Variants in PLCXD3 observed in about 807,000 individuals in gnomAD.
PLCXD3 encodes phosphatidylinositol specific phospholipase C X domain containing 3.
In PLCXD3, 19 loss-of-function variants were observed where a neutral mutation model predicts 25.5. The ratio of observed to expected loss-of-function variants is 0.75; its 90% CI spans 0.52 to 1.09. The LOEUF is 1.09. Among genes scored for constraint, PLCXD3 ranks in the 50% least tolerant of loss-of-function variants. PLCXD3 has a pLI of 0.00. For missense variants in PLCXD3, 411 were observed against 388.1 expected (o/e 1.06, Z -0.50); for synonymous variants, 174 against 137.6 (o/e 1.26, Z -1.85).
At position 41,510,460 on chromosome 5, in the gene PLCXD3, T is replaced by G; in HGVS notation, c.67A>C (p.Met23Leu). ...AAATTGGTGAGGGGGATGCTGTGCA[T>G]GCTCTCCGGCAGAGTTGCCATCCAG... ...ADWMATLPESMHSIPLTNLAI... is the reference protein window; with the variant it reads ...ADWMATLPESLHSIPLTNLAI... Residue 23 changes from methionine to leucine, a missense_variant, in exon 1 of 3, where the codon ATG (methionine) becomes CTG (leucine). By Grantham distance (15) the Met-to-Leu change is conservative. Coordinates refer to ENST00000377801, the MANE Select transcript of PLCXD3 (RefSeq NM_001005473.3). 2 of 1,611,560 alleles carry G rather than the reference T, an allele frequency of 1.2e-6. No homozygotes were observed. Among genetic ancestry groups the G allele is most frequent in the Middle Eastern group, 1.7e-4 (1 of 6,050 alleles).
chr5:41,427,236 A>G (rs762442001), intron 1 of PLCXD3, among the ~76,000 whole-genome samples: 1 of 152,038 alleles, frequency 6.6e-6, no homozygotes, highest in Non-Finnish European at 1.5e-5. Context: ...TGCAAATCCT[A>G]TTAGCTCTAC....
At chr5:41,404,651 T>G (rs1157169080) in intron 1 of PLCXD3, among the ~76,000 whole-genome samples, 1 of 152,188 alleles carries the variant, frequency 6.6e-6, no homozygotes, top group Non-Finnish European at 1.5e-5. Flanking sequence ...AAAACTTGTA[T>G]ATGATATATA....
At chr5:41,457,980 GA>G (rs935064716) in intron 1 of PLCXD3, among the ~76,000 whole-genome samples, 4 of 151,680 alleles carry the variant, frequency 2.6e-5, no homozygotes, top group Admixed American at 6.6e-5. Flanking sequence ...TGGGGACAAA[GA>G]AAAAAATAGA....
At chr5:41,500,099 C>CA (rs1420946394) in intron 1 of PLCXD3, among the ~76,000 whole-genome samples, 6 of 151,586 alleles carry the variant, frequency 4.0e-5, no homozygotes, top group East Asian at 1.9e-4. Flanking sequence ...TTCAATACAT[C>CA]AAAAAAACAC....
chr5:41,433,987 G>A (rs1747176220), intron 1 of PLCXD3, among the ~76,000 whole-genome samples: 1 of 152,162 alleles, frequency 6.6e-6, no homozygotes, highest in Admixed American at 6.5e-5. Context: ...GGAGCCAATG[G>A]GATGGAGACT....
intron 1 of PLCXD3, among the ~76,000 whole-genome samples, chr5:41,487,604 T>A (rs1748546646): frequency 6.6e-6 from 1 of 152,132 alleles, no homozygotes. Context: ...GCACTATGAA[T>A]AAGACAAAGT....
intron 2 of PLCXD3, among the ~76,000 whole-genome samples, chr5:41,332,012 C>T (rs568547568): frequency 2.0e-5 from 3 of 152,180 alleles, no homozygotes; most frequent in Admixed American, 6.5e-5. Context: ...CTAGACATTA[C>T]CATTCAGGAC....
chr5:41,320,040 A>G (rs1416160918), intron 2 of PLCXD3, among the ~76,000 whole-genome samples: 2 of 152,160 alleles, frequency 1.3e-5, no homozygotes, highest in African/African-American at 2.4e-5. Flanking sequence ...CATACAACCT[A>G]CCAAGATTGA....
chr5:41,416,239 G>C (rs1027154116), intron 1 of PLCXD3, among the ~76,000 whole-genome samples: 23 of 152,144 alleles, frequency 1.5e-4, no homozygotes, highest in African/African-American at 5.6e-4. Context: ...GATGAAGGAG[G>C]GTGAGGAGAT....
chr5:41,319,120 G>A (rs1278754586), intron 2 of PLCXD3, among the ~76,000 whole-genome samples: 1 of 152,140 alleles, frequency 6.6e-6, no homozygotes, highest in East Asian at 1.9e-4. Flanking sequence ...CATATAATAA[G>A]TATTTTTAGA....
At chr5:41,510,315 T>G in intron 1 of PLCXD3, 109 bp downstream of exon 1, 1 of 983,748 alleles carries the variant, frequency 1.0e-6, no homozygotes, top group Non-Finnish European at 1.5e-6. Context: ...GGAAGACGAG[T>G]TTCCCTCCCG....
intron 2 of PLCXD3, among the ~76,000 whole-genome samples, chr5:41,375,121 C>T (rs146820761): frequency 0.017 from 2,570 of 151,470 alleles, 24 homozygotes; most frequent in Non-Finnish European, 0.027. Flanking sequence ...AAAAAGAGTC[C>T]GTTGGGTTCA....
intron 1 of PLCXD3, among the ~76,000 whole-genome samples, chr5:41,465,792 T>C (rs1429020684): frequency 6.6e-6 from 1 of 152,102 alleles, no homozygotes; most frequent in East Asian, 1.9e-4. Flanking sequence ...TGAAATAGTC[T>C]GAAGTAAAAG....
At chr5:41,382,613 A>C in intron 1 of PLCXD3, 79 bp from the exon 2 acceptor site, 1 of 1,106,900 alleles carries the variant, frequency 9.0e-7, no homozygotes, top group Non-Finnish European at 1.3e-6. Flanking sequence ...TGCAATATCC[A>C]TACCTCTCCC....
chr5:41,326,593 T>C (rs2150472036), intron 2 of PLCXD3, among the ~76,000 whole-genome samples: 1 of 152,324 alleles, frequency 6.6e-6, no homozygotes, highest in East Asian at 1.9e-4. Flanking sequence ...TTATGTATTT[T>C]TTTCAGGCCT....
rs754450247 is a variant in PLCXD3 at position 41,382,240 on chromosome 5, G to A, written c.398C>T (p.Thr133Ile). ...GAACACTACCTCCTTATGGTGATCT[G>A]TGAGGAATGCATTGATCTCCTCAAG... ...EGLEEINAFL[T>I]DHHKEVVFLD... The change falls in exon 2 of 3, where the codon ACA becomes ATA. Residue 133 changes from threonine (T) to isoleucine (I), a missense_variant. Physicochemically the swap from Thr to Ile is moderately conservative, Grantham distance 89. Transcript: ENST00000377801. 1.2e-6 allele frequency: 2 copies of A among 1,613,752 alleles called. No homozygotes were observed. The highest frequency in any genetic ancestry group is 8.5e-7 in the Non-Finnish European group (1 of 1,179,794).
intron 2 of PLCXD3, among the ~76,000 whole-genome samples, chr5:41,360,020 T>C (rs1389832088): frequency 2.0e-5 from 3 of 152,174 alleles, no homozygotes; most frequent in Non-Finnish European, 4.4e-5. Context: ...CTCGGAGCCT[T>C]TGTTCATTTT....
chr5:41,322,132 G>A (rs1743490746), intron 2 of PLCXD3, among the ~76,000 whole-genome samples: 1 of 152,156 alleles, frequency 6.6e-6, no homozygotes, highest in Admixed American at 6.5e-5. Flanking sequence ...AATCAACAAA[G>A]TGAAGAGACA....
At chr5:41,326,594 T>C (rs919875884) in intron 2 of PLCXD3, among the ~76,000 whole-genome samples, 2 of 152,216 alleles carry the variant, frequency 1.3e-5, no homozygotes, top group African/African-American at 4.8e-5. Flanking sequence ...TATGTATTTT[T>C]TTCAGGCCTG....
Sources: allele counts gnomAD v4.1 joint callset (sites outside exome capture counted in the v4.1 genomes callset), GRCh38; gene constraint gnomAD v4.1.1; transcripts MANE v1.5; gene names NCBI Gene and HGNC (gene_info 2026-07-23, HGNC 2026-07-21).